Variants in RUVBL1 observed in about 807,000 individuals in gnomAD.
RUVBL1 encodes the protein RuvB like AAA ATPase 1.
RUVBL1 carries 4 observed loss-of-function variants against 52.4 expected under a neutral mutation model. The ratio of observed to expected loss-of-function variants is 0.08; its 90% CI spans 0.04 to 0.17. The LOEUF (loss-of-function observed/expected upper bound fraction) is 0.17. Ranked by LOEUF, RUVBL1 falls within the 10% of genes least tolerant of loss-of-function variation. The probability of loss-of-function intolerance (pLI) is 1.00; values close to 1 mark genes in which losing one functional copy is unlikely to be tolerated. For synonymous variants in RUVBL1, 217 were observed against 214.4 expected, an observed-to-expected ratio of 1.01 and a Z score of -0.10; for missense variants, 298 against 572.8, an observed-to-expected ratio of 0.52 and a Z score of 4.90.
intron 9 of RUVBL1, among the ~76,000 whole-genome samples, chr3:128,072,694 G>C (rs903291556): frequency 6.6e-6 from 1 of 152,210 alleles, no homozygotes; most frequent in Non-Finnish European, 1.5e-5. Flanking sequence ...GAGGCAGGCA[G>C]GGTGCTTGCC....
chr3:128,117,458 A>C (rs992651033), intron 2 of RUVBL1, among the ~76,000 whole-genome samples: 1 of 152,166 alleles, frequency 6.6e-6, no homozygotes, highest in African/African-American at 2.4e-5. Context: ...AGAACCAAAA[A>C]TGTCTCCAGA....
intron 3 of RUVBL1, among the ~76,000 whole-genome samples, chr3:128,105,865 C>CTTTTTTTTTTTTTTTTTTTT (rs11311563): frequency 1.1e-5 from 1 of 88,908 alleles, no homozygotes; most frequent in African/African-American, 4.2e-5. Flanking sequence ...TTCCCTTTTT[C>CTTTTTTTTTTTTTTTTTTTT]TTTTTTTTTT....
chr3:128,150,453 T>C (rs370214781), intron 1 of RUVBL1, among the ~76,000 whole-genome samples: 7 of 149,544 alleles, frequency 4.7e-5, no homozygotes, highest in Admixed American at 1.4e-4. Flanking sequence ...TATATGTATA[T>C]ATATTCCATA....
intron 3 of RUVBL1, among the ~76,000 whole-genome samples, chr3:128,111,409 C>T (rs1013491198): frequency 2.0e-5 from 3 of 152,104 alleles, no homozygotes; most frequent in African/African-American, 7.2e-5. Flanking sequence ...CATTCTTCCC[C>T]ATCTCCAAAA....
chr3:128,146,434 G>A (rs983957156), intron 1 of RUVBL1, among the ~76,000 whole-genome samples: 2 of 151,186 alleles, frequency 1.3e-5, no homozygotes, highest in Non-Finnish European at 2.9e-5. Context: ...GCGTGTGCAC[G>A]GGCGTGTGCA....
chr3:128,067,623 G>A lies in RUVBL1; in HGVS notation c.940-2403C>T, dbSNP rs978504913. On this transcript the variant is annotated intron_variant, in intron 9 of 9. Coordinates refer to the RUVBL1 transcript ENST00000464873. The surrounding 1 kb of genome is among the most constrained non-coding windows in gnomAD (Gnocchi z 4.1). The stretch of plus-strand genomic sequence containing the variant: ...TCCTCTGCCAAAGATGTAAGTAGAA[G>A]CAAAACTTTCTGGAAGGGTGATGAA... The A allele has an allele frequency of 2.5e-6, 4 of 1,600,474 alleles. No homozygotes were observed. The highest frequency in any genetic ancestry group is 1.3e-5 in the African/African-American group (1 of 74,484).
intron 1 of RUVBL1, among the ~76,000 whole-genome samples, chr3:128,139,627 T>G (rs1049847784): frequency 1.3e-5 from 2 of 152,182 alleles, no homozygotes; most frequent in South Asian, 2.1e-4. Flanking sequence ...TGCAGCACTA[T>G]TCACAATAGC....
At chr3:128,137,284 T>G (rs1943961950) in intron 1 of RUVBL1, among the ~76,000 whole-genome samples, 1 of 151,418 alleles carries the variant, frequency 6.6e-6, no homozygotes, top group Admixed American at 6.6e-5. Context: ...AAAGATAATA[T>G]CAACAAATCT....
At chr3:128,085,473 G>A (rs985655583) in intron 9 of RUVBL1, among the ~76,000 whole-genome samples, 9 of 152,138 alleles carry the variant, frequency 5.9e-5, no homozygotes, top group Non-Finnish European at 1.0e-4. Context: ...TTCTGCCTCC[G>A]TTCAGTGAAT....
chr3:128,093,858 C>T (rs1463774266), intron 8 of RUVBL1, among the ~76,000 whole-genome samples: 1 of 152,146 alleles, frequency 6.6e-6, no homozygotes, highest in African/African-American at 2.4e-5. Context: ...GGGACAGGTG[C>T]TTCTTCTAGA....
chr3:128,130,751 T>G (rs1395113691), intron 1 of RUVBL1, among the ~76,000 whole-genome samples: 5 of 151,860 alleles, frequency 3.3e-5, no homozygotes, highest in Non-Finnish European at 7.4e-5. Context: ...CTCGAGTTCA[T>G]GCCATTCTCC....
intron 1 of RUVBL1, among the ~76,000 whole-genome samples, chr3:128,136,238 C>A (rs1220108168): frequency 2.2e-4 from 33 of 149,980 alleles, no homozygotes; most frequent in Middle Eastern, 3.4e-3. Flanking sequence ...AAAAAAAAAA[C>A]CAAAATGACC....
At chr3:128,092,602 C>T (rs771698965) in intron 8 of RUVBL1, among the ~76,000 whole-genome samples, 6 of 152,030 alleles carry the variant, frequency 3.9e-5, no homozygotes, top group Non-Finnish European at 7.4e-5. Context: ...CATGAAAAGA[C>T]GCTCAACATC....
chr3:128,148,360 TGAAA>T (rs1470290249), intron 1 of RUVBL1, among the ~76,000 whole-genome samples: 1 of 152,120 alleles, frequency 6.6e-6, no homozygotes, highest in Non-Finnish European at 1.5e-5. Flanking sequence ...ATGTGGTGTA[TGAAA>T]GAAAGAGAGG....
upstream of RUVBL1, among the ~76,000 whole-genome samples, chr3:128,125,490 A>AT (rs1044199197): frequency 6.6e-6 from 1 of 152,200 alleles, no homozygotes; most frequent in African/African-American, 2.4e-5. Context: ...ATTGTTTACC[A>AT]TTTTAACCTA....
At chr3:128,118,851 C>G (rs930304620) in intron 2 of RUVBL1, among the ~76,000 whole-genome samples, 1 of 152,198 alleles carries the variant, frequency 6.6e-6, no homozygotes, top group African/African-American at 2.4e-5. Flanking sequence ...TCTTTCTGCC[C>G]TGGAGAGACT....
chr3:128,072,999 C>G (rs1015770265), intron 9 of RUVBL1, among the ~76,000 whole-genome samples: 1 of 152,164 alleles, frequency 6.6e-6, no homozygotes, highest in Non-Finnish European at 1.5e-5. Context: ...CTTCACCCCA[C>G]TAGAGGCCCA....
intron 1 of RUVBL1, among the ~76,000 whole-genome samples, chr3:128,148,880 T>G (rs1242754509): frequency 6.6e-6 from 1 of 152,202 alleles, no homozygotes; most frequent in Non-Finnish European, 1.5e-5. Context: ...CTTTTCAAAG[T>G]CTGCATCGTA....
chr3:128,069,407 G>A (rs1942085521), intron 9 of RUVBL1: 1 of 1,468,678 alleles, frequency 6.8e-7, no homozygotes, highest in Non-Finnish European at 9.3e-7. Flanking sequence ...TCTCAGGTGA[G>A]CCTGTTGGCC....
Sources: allele counts gnomAD v4.1 joint callset (sites outside exome capture counted in the v4.1 genomes callset), GRCh38; gene constraint gnomAD v4.1.1; non-coding constraint Gnocchi (gnomAD v3.1); transcripts MANE v1.5; gene names NCBI Gene and HGNC (gene_info 2026-07-23, HGNC 2026-07-21).